The following OR1B1 variants were observed in gnomAD, a reference collection of about 807,000 sequenced individuals.
OR1B1 encodes olfactory receptor 1B1.
For missense variants in OR1B1, 414 were observed against 402.1 expected, an observed-to-expected ratio of 1.03 and a Z score of -0.25; for synonymous variants, 168 against 156.2, an observed-to-expected ratio of 1.08 and a Z score of -0.57.
At chr9:122,629,657 G>C (rs1055188339), upstream of OR1B1, 6 of 657,044 alleles carry the variant, frequency 9.1e-6, no homozygotes, top group East Asian at 7.8e-5. Context: ...TAAAGACCTA[G>C]ATTCGAACTT....
exon 1 of OR1B1, chr9:122,628,977 G>A: frequency 1.9e-6 from 3 of 1,613,960 alleles, no homozygotes; most frequent in Non-Finnish European, 2.5e-6. Flanking sequence ...AGTGGCCGGT[G>A]GTCACAAAAG....
the OR1B1 span, among the ~76,000 whole-genome samples, chr9:122,637,980 C>T: frequency 8.4e-3 from 1,286 of 152,226 alleles, 20 homozygotes; most frequent in African/African-American, 0.03. Flanking sequence ...ACTTGTGTTT[C>T]ATTCACACTA....
chr9:122,639,225 C>A, the OR1B1 span, among the ~76,000 whole-genome samples: 1 of 151,978 alleles, frequency 6.6e-6, no homozygotes, highest in African/African-American at 2.4e-5. Context: ...ATATTATATA[C>A]GTCTATGATT....
At chr9:122,656,704 G>A in the OR1B1 span, among the ~76,000 whole-genome samples, 1 of 152,144 alleles carries the variant, frequency 6.6e-6, no homozygotes. Flanking sequence ...AATGGACAAA[G>A]ACAGTATCAT....
At chr9:122,628,702 C>A in exon 1 of OR1B1, 3 of 1,613,864 alleles carry the variant, frequency 1.9e-6, no homozygotes, top group Non-Finnish European at 2.5e-6. Flanking sequence ...CTGAAGCCAC[C>A]ATGTCCTGAT....
the OR1B1 span, among the ~76,000 whole-genome samples, chr9:122,638,798 G>T: frequency 6.6e-6 from 1 of 152,264 alleles, no homozygotes; most frequent in East Asian, 1.9e-4. Context: ...TCTACAGTGA[G>T]CTTCTCATAG....
upstream of OR1B1, among the ~76,000 whole-genome samples, chr9:122,633,330 C>G (rs1830223153): frequency 6.6e-6 from 1 of 152,126 alleles, no homozygotes; most frequent in Admixed American, 6.5e-5. Flanking sequence ...AACACAAGAC[C>G]TGAAACCACA....
chr9:122,638,015 A>G, the OR1B1 span, among the ~76,000 whole-genome samples: 1 of 152,230 alleles, frequency 6.6e-6, no homozygotes, highest in Non-Finnish European at 1.5e-5. Flanking sequence ...TCAAAACAAC[A>G]TGCATGGAGT....
chr9:122,636,801 A>G, the OR1B1 span, among the ~76,000 whole-genome samples: 6 of 152,246 alleles, frequency 3.9e-5, no homozygotes, highest in African/African-American at 9.6e-5. Context: ...TCGGAGTCAG[A>G]CTTACCTGGA....
the OR1B1 span, among the ~76,000 whole-genome samples, chr9:122,638,481 A>G: frequency 1.8e-4 from 28 of 152,174 alleles, no homozygotes; most frequent in African/African-American, 6.5e-4. Context: ...TTCTAAGGTT[A>G]AGCATACCTT....
upstream of OR1B1, among the ~76,000 whole-genome samples, chr9:122,634,519 G>C (rs1830238708): frequency 6.6e-6 from 1 of 152,020 alleles, no homozygotes; most frequent in Non-Finnish European, 1.5e-5. Context: ...TTCTTCACAA[G>C]GCAACAGGAG....
At chr9:122,637,143 G>A in the OR1B1 span, 3 of 152,206 alleles carry the variant, frequency 2.0e-5, no homozygotes, top group East Asian at 3.8e-4. Flanking sequence ...ATTAGGGAAA[G>A]AGGGATGCGA....
At chr9:122,638,751 A>G in the OR1B1 span, among the ~76,000 whole-genome samples, 1 of 152,160 alleles carries the variant, frequency 6.6e-6, no homozygotes, top group African/African-American at 2.4e-5. Flanking sequence ...CATGTTTCCA[A>G]TTATCATTTC....
At chr9:122,645,260 A>G in the OR1B1 span, among the ~76,000 whole-genome samples, 1 of 152,056 alleles carries the variant, frequency 6.6e-6, no homozygotes, top group Non-Finnish European at 1.5e-5. Context: ...AAGAAAAAAA[A>G]ACAGAATAAA....
chr9:122,643,644 G>A, the OR1B1 span, among the ~76,000 whole-genome samples: 1 of 152,248 alleles, frequency 6.6e-6, no homozygotes, highest in Admixed American at 6.5e-5. Context: ...GCATGGCTAA[G>A]GGAAGGCTGG....
the OR1B1 span, among the ~76,000 whole-genome samples, chr9:122,637,748 G>T: frequency 1.3e-5 from 2 of 152,112 alleles, no homozygotes; most frequent in African/African-American, 4.8e-5. Flanking sequence ...TCTGGCCAGA[G>T]AATTTAATCT....
At chr9:122,646,078 G>C in the OR1B1 span, among the ~76,000 whole-genome samples, 1 of 152,014 alleles carries the variant, frequency 6.6e-6, no homozygotes, top group Non-Finnish European at 1.5e-5. Flanking sequence ...TTATTCATTT[G>C]CTTTTTGTGT....
upstream of OR1B1, among the ~76,000 whole-genome samples, chr9:122,632,478 A>G (rs765058686): frequency 1.3e-4 from 20 of 152,176 alleles, no homozygotes; most frequent in Non-Finnish European, 7.3e-5. Context: ...TTACAAGAGT[A>G]AGTTCTTTAG....
the OR1B1 span, among the ~76,000 whole-genome samples, chr9:122,647,538 A>C: frequency 1.3e-5 from 2 of 152,250 alleles, no homozygotes; most frequent in Non-Finnish European, 2.9e-5. Context: ...GTAGAGGAAA[A>C]AAAATAATAA....
Sources: allele counts gnomAD v4.1 joint callset (sites outside exome capture counted in the v4.1 genomes callset), GRCh38; gene constraint gnomAD v4.1.1; transcripts MANE v1.5; gene names NCBI Gene and HGNC (gene_info 2026-07-23, HGNC 2026-07-21).